The following KMT2E variants were observed in gnomAD, a reference collection of about 807,000 sequenced individuals.
The protein encoded by KMT2E is histone reader KMT2E.
KMT2E carries 30 observed loss-of-function variants against 184.6 expected under a neutral mutation model. The ratio of observed to expected loss-of-function variants is 0.16; its 90% CI spans 0.12 to 0.22. The LOEUF (loss-of-function observed/expected upper bound fraction) is 0.22. KMT2E is among the 10% of genes least tolerant of loss of function. The probability of loss-of-function intolerance (pLI) is 1.00; values close to 1 mark genes in which losing one functional copy is unlikely to be tolerated. For synonymous variants in KMT2E, 815 were observed against 776.5 expected (o/e 1.05, Z -0.82); for missense variants, 2,023 against 2,237.4 (o/e 0.90, Z 1.93).
At position 105,107,597 on chromosome 7, in the gene KMT2E, C is replaced by T. The variant is rs770189928; in HGVS notation, c.3140C>T (p.Ala1047Val). 3.1e-6 allele frequency: 5 copies of T among 1,614,018 alleles called. No individual in the cohort carries two copies. The highest frequency in any genetic ancestry group is 4.2e-6 in the Non-Finnish European group (5 of 1,180,012). The change falls in exon 22 of 27, where the codon GCT (alanine) becomes GTT (valine). Residue 1047 changes from alanine (A) to valine (V), a missense_variant. Ala to Val is a moderately conservative substitution (Grantham distance 64, BLOSUM62 0). Coordinates refer to ENST00000311117, the MANE Select transcript of KMT2E (RefSeq NM_182931.3). ...CTGGAAACGCCTGCACATGACAGGG[C>T]TGAGCCCAACAGCCAACTGGACTCG... Reference protein sequence around the residue: ...KTLETPAHDRAEPNSQLDSTH... With the variant: ...KTLETPAHDRVEPNSQLDSTH...
chr7:105,105,374 T>C, intron 17 of KMT2E, 65 bp from the exon 18 acceptor site: 1 of 1,224,600 alleles, frequency 8.2e-7, no homozygotes, highest in Non-Finnish European at 1.1e-6. Context: ...AAATCTGGTA[T>C]TAGAATATTC....
intron 1 of KMT2E, among the ~76,000 whole-genome samples, chr7:105,019,692 A>G (rs1794866920): frequency 6.6e-6 from 1 of 152,228 alleles, no homozygotes; most frequent in Non-Finnish European, 1.5e-5. Flanking sequence ...TGATCTATGT[A>G]GCTTTATTTT....
intron 13 of KMT2E, among the ~76,000 whole-genome samples, chr7:105,087,499 C>T (rs1798033654): frequency 6.6e-6 from 1 of 150,932 alleles, no homozygotes; most frequent in African/African-American, 2.4e-5. Flanking sequence ...TCTCGGCTCA[C>T]TGCAACCTCC....
intron 3 of KMT2E, among the ~76,000 whole-genome samples, chr7:105,057,395 G>C (rs142138384): frequency 6.6e-6 from 1 of 152,092 alleles, no homozygotes. Context: ...AGCTTCAACA[G>C]TATTCAAAGT....
chr7:105,086,908 T>TATTA (rs1554396264), intron 13 of KMT2E, among the ~76,000 whole-genome samples: 2 of 145,154 alleles, frequency 1.4e-5, no homozygotes, highest in African/African-American at 5.0e-5. Context: ...ATATTATATA[T>TATTA]TATATAGCAT....
rs190735874 is a variant in KMT2E at position 105,110,203 on chromosome 7, A to G, written c.3756-77A>G. On this transcript the variant is annotated intron_variant, in intron 23 of 26. Coordinates refer to ENST00000311117, the MANE Select transcript of KMT2E (RefSeq NM_182931.3). ...AGATCAAAAGCCTTGGTCTGACAGT[A>G]CATGTTGACTATGAAGCAACAATGT... The G allele has an allele frequency of 2.2e-5, 25 of 1,129,846 alleles. 1 individual carries two copies. The Admixed American group carries it at 2.4e-4, about 11-fold the overall frequency. 70.0% of individuals were successfully genotyped at this position (1,129,846 alleles called of 1,614,324 possible). A position where few individuals can be genotyped will look rare whatever the true frequency, so the allele number is the denominator to read the frequency against.
intron 12 of KMT2E, among the ~76,000 whole-genome samples, chr7:105,079,929 G>GC (rs1415275327): frequency 2.6e-5 from 4 of 151,924 alleles, no homozygotes; most frequent in African/African-American, 9.7e-5. Flanking sequence ...AACTTCCTGG[G>GC]CCTTTAGGAG....
rs757934675 is a variant in KMT2E at position 105,105,898 on chromosome 7, A to C, written c.2491A>C (p.Ile831Leu). 6.2e-7 allele frequency: 1 copy of C among 1,613,242 alleles called. No homozygotes were observed. The highest frequency in any genetic ancestry group is 1.1e-5 in the South Asian group (1 of 90,832). Residue 831 changes from isoleucine (I) to leucine (L), a missense_variant, in exon 19 of 27, where the codon ATT becomes CTT. Physicochemically the swap from Ile to Leu is conservative, Grantham distance 5 (BLOSUM62 2). Transcript: ENST00000311117. ...KQALEEENSA[I>L]LHRFNSPCQE... The stretch of plus-strand genomic sequence containing the variant: ...AGCTCTGGAAGAAGAAAATTCAGCA[A>C]TTTTACATAGATTTAATTCACCCTG...
Position 105,108,988 on chromosome 7 carries a change from G to T in KMT2E, c.3515G>T (p.Ser1172Ile), listed in dbSNP as rs759122922. ...YRKRQREARKSGSKTENFPLI... is the reference protein window; with the variant it reads ...YRKRQREARKIGSKTENFPLI... The stretch of plus-strand genomic sequence containing the variant: ...AAGAGACAACGTGAAGCTAGGAAAA[G>T]TGGCTCTAAGACAGAGAACTTTCCA... Residue 1172 changes from serine to isoleucine, a missense_variant, in exon 23 of 27, where the codon AGT (serine) becomes ATT (isoleucine). Physicochemically the swap from Ser to Ile is moderately radical, Grantham distance 142. Transcript: ENST00000311117. 5.6e-6 allele frequency: 9 copies of T among 1,613,304 alleles called. No homozygotes were observed. Among genetic ancestry groups the T allele is most frequent in the Non-Finnish European group, 7.6e-6 (9 of 1,179,420 alleles).
At chr7:105,049,510 T>C (rs565160073) in intron 3 of KMT2E, among the ~76,000 whole-genome samples, 4 of 152,260 alleles carry the variant, frequency 2.6e-5, no homozygotes, top group South Asian at 2.1e-4. Context: ...GGGCTTGTTA[T>C]ATGCCAGCTA....
At chr7:105,062,088 T>C in intron 3 of KMT2E, 76 bp from the exon 4 acceptor site, 1 of 946,174 alleles carries the variant, frequency 1.1e-6, no homozygotes, top group Non-Finnish European at 1.7e-6. Flanking sequence ...CTGTAAGTAC[T>C]TTATCATTTT....
chr7:105,071,609 T>TATA (rs1491132838), intron 6 of KMT2E, among the ~76,000 whole-genome samples: 20 of 45,402 alleles, frequency 4.4e-4, no homozygotes, highest in African/African-American at 2.2e-3. Context: ...TATATATATA[T>TATA]TTTTTTTTTT....
At chr7:105,104,708 G>A (rs781111130) in intron 17 of KMT2E, 2 of 152,210 alleles carry the variant, frequency 1.3e-5, no homozygotes, top group Non-Finnish European at 2.9e-5. Context: ...ACTGTGCACT[G>A]TCCTCATCTC....
At position 105,112,037 on chromosome 7, in the gene KMT2E, A is replaced by G. The variant is rs1799317948; in HGVS notation, c.4281A>G (p.Gln1427=). 1.2e-6 allele frequency: 2 copies of G among 1,614,084 alleles called. No individual in the cohort carries two copies. Among genetic ancestry groups the G allele is most frequent in the Admixed American group, 1.7e-5 (1 of 60,008 alleles). ...PQTHVRNSSE[Q]LSQKLPSVPT... ...CACACGTTCGTAATTCATCTGAGCA[A>G]CTTTCACAAAAGCTGCCTTCTGTGC... Residue 1427 remains glutamine, a synonymous_variant, in exon 27 of 27, where the codon CAA becomes CAG. Transcript: ENST00000311117.
In KMT2E at chr7:105,112,483, T is replaced by C; in HGVS notation, c.4727T>C (p.Leu1576Pro). The change falls in exon 27 of 27, where the codon CTT becomes CCT. Residue 1576 changes from leucine (L) to proline (P), a missense_variant. Leu to Pro is a moderately conservative substitution (Grantham distance 98). Around this residue, in one of 8 missense-constraint regions of KMT2E, gnomAD observed 1,108 missense variants for 1,050.9 expected, o/e 1.05. Coordinates refer to ENST00000311117, the MANE Select transcript of KMT2E (RefSeq NM_182931.3). ...FQNYNQLKGS[L>P]SQQTVFTSGP... ...AATTATAATCAGCTCAAAGGTAGTC[T>C]TTCTCAACAAACTGTGTTTACATCA... is the stretch of plus-strand genomic sequence containing the variant. 6.2e-7 allele frequency: 1 copy of C among 1,613,984 alleles called. No homozygotes were observed. Among genetic ancestry groups the C allele is most frequent in the Non-Finnish European group, 8.5e-7 (1 of 1,180,000 alleles).
rs151271335 is a variant in KMT2E at position 105,107,124 on chromosome 7, G to A, written c.2848-42G>A. The A allele has an allele frequency of 4.0e-3, 4,136 of 1,026,666 alleles. 17 individuals are homozygous for A. Among genetic ancestry groups the A allele is most frequent in the Admixed American group, 7.3e-3 (301 of 41,492 alleles). 63.6% of individuals were successfully genotyped at this position (1,026,666 alleles called of 1,614,324 possible). ...CTATAATTATTATGGATATACTTAC[G>A]TATTTTTAAATTTTCAATTCTAATT... is the stretch of plus-strand genomic sequence containing the variant. On this transcript the variant is annotated intron_variant, in intron 20 of 26. Coordinates refer to ENST00000311117, the MANE Select transcript of KMT2E (RefSeq NM_182931.3).
chr7:105,021,574 C>T (rs1186236391), intron 1 of KMT2E, among the ~76,000 whole-genome samples: 1 of 152,180 alleles, frequency 6.6e-6, no homozygotes, highest in African/African-American at 2.4e-5. Context: ...AGATGGGCCT[C>T]ACAGGAATTG....
At chr7:105,054,465 TATC>T (rs1274833635) in intron 3 of KMT2E, among the ~76,000 whole-genome samples, 2 of 38,048 alleles carry the variant, frequency 5.3e-5, no homozygotes, top group Non-Finnish European at 1.7e-4. Context: ...TCTGTCTATC[TATC>T]TATCTATCTA....
At chr7:105,090,356 TA>T in intron 14 of KMT2E, 83 bp downstream of exon 14, 1 of 1,425,764 alleles carries the variant, frequency 7.0e-7, no homozygotes, top group Non-Finnish European at 9.5e-7. Context: ...GTTCTATGTA[TA>T]ATTGTTTAAA....
Sources: allele counts gnomAD v4.1 joint callset (sites outside exome capture counted in the v4.1 genomes callset), GRCh38; gene constraint gnomAD v4.1.1; regional missense constraint gnomAD v4.1.1; transcripts MANE v1.5; gene names NCBI Gene and HGNC (gene_info 2026-07-23, HGNC 2026-07-21).